Variants in RXRA observed in about 807,000 individuals in gnomAD.
RXRA encodes the protein retinoid X receptor alpha.
RXRA carries 5 observed loss-of-function variants against 44.5 expected under a neutral mutation model. That is an observed-to-expected ratio of 0.11 (90% CI 0.06 to 0.24). RXRA has a LOEUF of 0.24. Ranked by LOEUF, RXRA falls within the 10% of genes least tolerant of loss-of-function variation. RXRA has a pLI of 1.00. For missense variants in RXRA, 412 were observed against 646.5 expected, an observed-to-expected ratio of 0.64 and a Z score of 3.93; for synonymous variants, 291 against 271.4, an observed-to-expected ratio of 1.07 and a Z score of -0.71.
chr9:134,431,147 C>G (rs35575043), intron 7 of RXRA, among the ~76,000 whole-genome samples: 30 of 152,382 alleles, frequency 2.0e-4, no homozygotes, highest in African/African-American at 7.0e-4. Context: ...TCCTTTCCCC[C>G]GCTGTGGCCC....
At chr9:134,351,528 A>G (rs1054452108) in intron 1 of RXRA, among the ~76,000 whole-genome samples, 11 of 152,240 alleles carry the variant, frequency 7.2e-5, no homozygotes, top group Non-Finnish European at 1.5e-4. Flanking sequence ...AGGAAACGCA[A>G]TCCCTTCCCT....
intron 1 of RXRA, among the ~76,000 whole-genome samples, chr9:134,360,459 G>A (rs1830336565): frequency 6.6e-6 from 1 of 152,190 alleles, no homozygotes; most frequent in Non-Finnish European, 1.5e-5. Flanking sequence ...TCCTTCCCCT[G>A]GTCCCGCCGC....
chr9:134,394,012 A>T (rs932492695), intron 1 of RXRA, among the ~76,000 whole-genome samples: 1 of 151,474 alleles, frequency 6.6e-6, no homozygotes, highest in Non-Finnish European at 1.5e-5. Flanking sequence ...CTTGCTATTT[A>T]TGACAAAACT....
chr9:134,360,774 G>C lies in RXRA; in HGVS notation c.28+34115G>C, dbSNP rs1016409516. On this transcript the variant is annotated intron_variant, in intron 1 of 9. Coordinates refer to ENST00000481739, the MANE Select transcript of RXRA (RefSeq NM_002957.6). ...AATAAAGAGCCCCCTTACAATTCCT[G>C]GGACTCATTGGATTGAGGGACTGCC... 4.6e-5 allele frequency among the ~76,000 whole-genome samples: 7 copies of C among 152,302 alleles called. No individual in the cohort carries two copies. The East Asian group carries it at 1.4e-3, about 29-fold the overall frequency.
chr9:134,393,351 T>A (rs1468415529), intron 1 of RXRA, among the ~76,000 whole-genome samples: 2 of 152,214 alleles, frequency 1.3e-5, no homozygotes, highest in African/African-American at 4.8e-5. Context: ...GCCCCTCCTG[T>A]CCACATCTGC....
intron 1 of RXRA, chr9:134,380,221 G>A (rs549059153): frequency 9.2e-6 from 9 of 978,316 alleles, no homozygotes; most frequent in African/African-American, 1.8e-5. Context: ...TGCCGGCCCC[G>A]TGAGTCACGC....
At chr9:134,337,164 C>G (rs782550324) in intron 1 of RXRA, among the ~76,000 whole-genome samples, 1 of 152,214 alleles carries the variant, frequency 6.6e-6, no homozygotes, top group African/African-American at 2.4e-5. Flanking sequence ...GGGAGGGGTG[C>G]TCAGCCCCAG....
chr9:134,369,316 TTG>T (rs1265111604), intron 1 of RXRA, among the ~76,000 whole-genome samples: 207 of 48,546 alleles, frequency 4.3e-3, no homozygotes, highest in Non-Finnish European at 6.0e-3. Context: ...AGTGCAGGGG[TTG>T]TGTGTGTGGG....
At chr9:134,334,984 C>T (rs1216376992) in intron 1 of RXRA, among the ~76,000 whole-genome samples, 4 of 152,126 alleles carry the variant, frequency 2.6e-5, no homozygotes, top group Non-Finnish European at 1.5e-5. Flanking sequence ...GTAGGGGCCA[C>T]AGATGAGTGG....
chr9:134,356,308 T>G (rs1261949560), intron 1 of RXRA, among the ~76,000 whole-genome samples: 4 of 152,140 alleles, frequency 2.6e-5, no homozygotes. Context: ...ACCTCAGCCT[T>G]GCTCTCCTCA....
intron 1 of RXRA, among the ~76,000 whole-genome samples, chr9:134,381,426 A>G (rs1377924399): frequency 6.6e-6 from 1 of 152,030 alleles, no homozygotes; most frequent in Non-Finnish European, 1.5e-5. Context: ...TGGATCTTCT[A>G]ACTGTCTGAG....
At chr9:134,356,387 C>T (rs755541111) in intron 1 of RXRA, among the ~76,000 whole-genome samples, 1 of 152,076 alleles carries the variant, frequency 6.6e-6, no homozygotes, top group South Asian at 2.1e-4. Context: ...TAGCTCCCAC[C>T]GGGAACACAC....
At chr9:134,422,100 T>A in intron 6 of RXRA, 2 of 1,232,364 alleles carry the variant, frequency 1.6e-6, no homozygotes, top group East Asian at 5.8e-5. Context: ...TCCCGACTCC[T>A]GGGACACACT....
At chr9:134,362,951 T>C (rs968076123) in intron 1 of RXRA, among the ~76,000 whole-genome samples, 2 of 152,220 alleles carry the variant, frequency 1.3e-5, no homozygotes, top group African/African-American at 2.4e-5. Context: ...CTCGGCTCCA[T>C]TTGGAGACCT....
chr9:134,409,510 G>A (rs1831113629), intron 4 of RXRA, among the ~76,000 whole-genome samples: 2 of 152,232 alleles, frequency 1.3e-5, no homozygotes, highest in Non-Finnish European at 2.9e-5. Context: ...TGGCCCCCAG[G>A]CTCTTGGAGC....
intron 6 of RXRA, chr9:134,423,791 G>A (rs1335407449): frequency 1.0e-6 from 1 of 985,446 alleles, no homozygotes; most frequent in Non-Finnish European, 1.2e-6. Context: ...CAGAGCCCCT[G>A]GCTTTGCCAG....
At chr9:134,371,465 G>A (rs543115172) in intron 1 of RXRA, among the ~76,000 whole-genome samples, 1 of 152,238 alleles carries the variant, frequency 6.6e-6, no homozygotes, top group Non-Finnish European at 1.5e-5. Context: ...GAGCCAGCTG[G>A]GCTGAGCTTC....
intron 1 of RXRA, among the ~76,000 whole-genome samples, chr9:134,337,456 T>A (rs1187339643): frequency 6.6e-6 from 1 of 152,176 alleles, no homozygotes. Context: ...GTGCTGCCAC[T>A]TGATGGGATA....
intron 1 of RXRA, among the ~76,000 whole-genome samples, chr9:134,389,214 G>A (rs1457894082): frequency 1.3e-5 from 2 of 152,208 alleles, no homozygotes; most frequent in South Asian, 2.1e-4. Context: ...CCGTTTTCCC[G>A]GATTTGTCAG....
Sources: allele counts gnomAD v4.1 joint callset (sites outside exome capture counted in the v4.1 genomes callset), GRCh38; gene constraint gnomAD v4.1.1; transcripts MANE v1.5; gene names NCBI Gene and HGNC (gene_info 2026-07-23, HGNC 2026-07-21).